TEK: variants seen among roughly 807,000 people sequenced by gnomAD.
TEK encodes the protein TEK receptor tyrosine kinase.
Under a neutral mutation model 131.8 loss-of-function variants are expected in TEK, and 43 were observed. The observed-to-expected ratio is 0.33, with a 90% confidence interval of 0.26 to 0.42. TEK has a LOEUF of 0.42. TEK is among the 10% of genes least tolerant of loss of function. The pLI is 1.00. For missense variants in TEK, 1,162 were observed against 1,384.4 expected, an observed-to-expected ratio of 0.84 and a Z score of 2.55; for synonymous variants, 580 against 491.6, an observed-to-expected ratio of 1.18 and a Z score of -2.38.
intron 2 of TEK, among the ~76,000 whole-genome samples, chr9:27,160,778 G>A (rs1169337445): frequency 6.6e-6 from 1 of 152,198 alleles, no homozygotes; most frequent in Non-Finnish European, 1.5e-5. Context: ...TGACAGCAGG[G>A]CAAGTGGGAA....
intron 22 of TEK, among the ~76,000 whole-genome samples, 184 bp downstream of exon 22, chr9:27,228,489 A>ATT (rs1247107582): frequency 5.3e-5 from 8 of 152,132 alleles, no homozygotes; most frequent in Admixed American, 1.3e-4. Flanking sequence ...GGGAAATAAG[A>ATT]TTTCTATACA....
intron 1 of TEK, among the ~76,000 whole-genome samples, chr9:27,125,668 C>A (rs1821959398): frequency 6.6e-6 from 1 of 152,112 alleles, no homozygotes; most frequent in Non-Finnish European, 1.5e-5. Context: ...CAATATTACC[C>A]TTTAATGAGG....
intron 1 of TEK, among the ~76,000 whole-genome samples, chr9:27,124,085 A>C (rs1449618320): frequency 6.6e-6 from 1 of 152,196 alleles, no homozygotes; most frequent in Non-Finnish European, 1.5e-5. Context: ...GAATTTCTTC[A>C]CTTTAAAAGA....
intron 1 of TEK, among the ~76,000 whole-genome samples, chr9:27,134,252 T>A (rs1346478267): frequency 6.6e-6 from 1 of 152,210 alleles, no homozygotes. Context: ...ATATTAACAT[T>A]GTATGTACTT....
chr9:27,218,444 C>T (rs1825911966), intron 19 of TEK, among the ~76,000 whole-genome samples: 1 of 152,056 alleles, frequency 6.6e-6, no homozygotes, highest in African/African-American at 2.4e-5. Context: ...CAACTGTTTC[C>T]AGGTCACATA....
At chr9:27,202,102 T>A (rs1403847058) in intron 12 of TEK, among the ~76,000 whole-genome samples, 1 of 152,324 alleles carries the variant, frequency 6.6e-6, no homozygotes, top group East Asian at 1.9e-4. Context: ...GAGAATGTAG[T>A]GATGCTGCGG....
chr9:27,199,592 T>C (rs1825148418), intron 12 of TEK, among the ~76,000 whole-genome samples: 1 of 152,234 alleles, frequency 6.6e-6, no homozygotes, highest in African/African-American at 2.4e-5. Flanking sequence ...TTAATTTCAA[T>C]TTTGATTTCC....
chr9:27,189,838 G>A (rs1001033371), intron 9 of TEK, among the ~76,000 whole-genome samples: 4 of 144,510 alleles, frequency 2.8e-5, no homozygotes, highest in Non-Finnish European at 6.1e-5. Flanking sequence ...ATAAATTTGA[G>A]TTGTTTGGCT....
intron 1 of TEK, among the ~76,000 whole-genome samples, chr9:27,144,732 C>T (rs1822853069): frequency 6.6e-6 from 1 of 152,080 alleles, no homozygotes; most frequent in South Asian, 2.1e-4. Flanking sequence ...TAAAGCAATT[C>T]CTAAACTAAA....
intron 2 of TEK, among the ~76,000 whole-genome samples, chr9:27,161,709 A>T (rs535333024): frequency 6.6e-6 from 1 of 152,348 alleles, no homozygotes; most frequent in South Asian, 2.1e-4. Context: ...GAGGTATGAG[A>T]GTGGAAGTCA....
At chr9:27,166,200 G>T (rs1219959675) in intron 2 of TEK, among the ~76,000 whole-genome samples, 1 of 152,210 alleles carries the variant, frequency 6.6e-6, no homozygotes, top group Non-Finnish European at 1.5e-5. Context: ...TCTAATTTAG[G>T]TGCATTCTGG....
intron 1 of TEK, among the ~76,000 whole-genome samples, chr9:27,118,335 G>A (rs1821647928): frequency 1.3e-5 from 2 of 152,220 alleles, no homozygotes; most frequent in South Asian, 4.1e-4. Context: ...CATGTCCAAG[G>A]TTAAAATGTA....
At chr9:27,217,784 G>C (rs1012304139) in intron 19 of TEK, 26 bp downstream of exon 19, 1 of 1,497,606 alleles carries the variant, frequency 6.7e-7, no homozygotes, top group South Asian at 1.1e-5. Context: ...ATTGCCAAGG[G>C]ATTTTTTTTC....
In TEK at chr9:27,151,258, TG is replaced by T. The variant is rs1486206429; in HGVS notation, c.53-6570del. Among the ~76,000 whole-genome samples, 4 of 152,202 alleles carry T rather than the reference TG, an allele frequency of 2.6e-5. No individual in the cohort carries two copies. The East Asian group carries it at 7.7e-4, about 29-fold the overall frequency. On this transcript the variant is annotated intron_variant, in intron 1 of 22. Transcript: ENST00000380036. ...AGGATTAAAGTGTTGGAAACATGCCTGGGAACTGGATTTCTTCATGGGAGAC... is the reference window on the plus strand; with the variant it reads ...AGGATTAAAGTGTTGGAAACATGCCTGGAACTGGATTTCTTCATGGGAGAC...
intron 1 of TEK, among the ~76,000 whole-genome samples, chr9:27,137,994 C>G (rs954807661): frequency 2.0e-5 from 3 of 152,102 alleles, no homozygotes; most frequent in African/African-American, 7.2e-5. Flanking sequence ...GTCTCGCTGA[C>G]TTCAGGAGTG....
intron 8 of TEK, 25 bp from the exon 9 acceptor site, chr9:27,185,460 A>G: frequency 6.2e-7 from 1 of 1,613,226 alleles, no homozygotes; most frequent in Non-Finnish European, 8.5e-7. Context: ...AGAAGTTTTT[A>G]TTTTTTTGTA....
chr9:27,221,537 G>A (rs1387427352), intron 21 of TEK, among the ~76,000 whole-genome samples: 1 of 152,172 alleles, frequency 6.6e-6, no homozygotes, highest in African/African-American at 2.4e-5. Flanking sequence ...GCTCTGGCTG[G>A]CATCTGGCAG....
At chr9:27,221,478 CTGGGA>C (rs1164795386) in intron 21 of TEK, among the ~76,000 whole-genome samples, 20 of 45,584 alleles carry the variant, frequency 4.4e-4, no homozygotes, top group South Asian at 1.2e-3. Context: ...TGCTCCCTGA[CTGGGA>C]GACATCTCCC....
intron 1 of TEK, among the ~76,000 whole-genome samples, chr9:27,128,458 G>A (rs1027162502): frequency 6.6e-5 from 10 of 152,020 alleles, no homozygotes; most frequent in East Asian, 1.9e-4. Context: ...TTGGCTATGC[G>A]GGCTCTTTTT....
Sources: gnomAD v4.1 joint callset for allele counts (sites outside exome capture counted in the v4.1 genomes callset) on GRCh38, gnomAD v4.1.1 for gene constraint, MANE v1.5 for transcripts, NCBI Gene and HGNC (gene_info 2026-07-23, HGNC 2026-07-21) for gene names.